F11: variants seen among roughly 807,000 people sequenced by gnomAD.
The protein encoded by F11 is coagulation factor XI.
F11 carries 78 observed loss-of-function variants against 76.5 expected under a neutral mutation model. That is an observed-to-expected ratio of 1.02 (90% CI 0.85 to 1.23). The LOEUF is 1.23. Ranked by LOEUF, F11 falls within the 50% of genes most tolerant of loss-of-function variation. The pLI, the probability that F11 is intolerant of heterozygous loss-of-function variation, is 0.00. For synonymous variants in F11, 278 were observed against 276.3 expected, an observed-to-expected ratio of 1.01 and a Z score of -0.06; for missense variants, 742 against 771.4, an observed-to-expected ratio of 0.96 and a Z score of 0.45.
intron 2 of F11, among the ~76,000 whole-genome samples, chr4:186,269,703 TACCCTTAGTGCC>T (rs1179105566): frequency 1.3e-5 from 2 of 152,160 alleles, no homozygotes; most frequent in Non-Finnish European, 2.9e-5. Context: ...GCAATGTAAA[TACCCTTAGTGCC>T]ACAGAACTGT....
chr4:186,275,526 T>G (rs1337491058), intron 5 of F11, among the ~76,000 whole-genome samples: 1 of 151,834 alleles, frequency 6.6e-6, no homozygotes, highest in Admixed American at 6.6e-5. Flanking sequence ...GAGAAGGGCT[T>G]GAGAAGTCAT....
rs533298073 is a variant in F11, at chr4:186,271,702, G to C, written c.149G>C (p.Cys50Ser). 6.2e-7 allele frequency: 1 copy of C among 1,614,152 alleles called. No homozygotes were observed. Among genetic ancestry groups the C allele is most frequent in the East Asian group, 2.2e-5 (1 of 44,884 alleles). ...AGCGCCAAGTACTGCCAGGTAGTCT[G>C]CACTTACCACCCAAGATGTTTACTC... ...TPSAKYCQVV[C>S]TYHPRCLLFT... The change falls in exon 3 of 15, where the codon TGC (cysteine) becomes TCC (serine). Residue 50 changes from cysteine to serine, a missense_variant. Cys to Ser is a moderately radical substitution (Grantham distance 112, BLOSUM62 -1). Coordinates refer to ENST00000403665, the MANE Select transcript of F11 (RefSeq NM_000128.4).
chr4:186,266,987 G>T (rs200009304), intron 1 of F11, 149 bp from the exon 2 acceptor site: 2 of 650,292 alleles, frequency 3.1e-6, no homozygotes, highest in Admixed American at 4.4e-5. Flanking sequence ...GATTGGGAAA[G>T]AAAATTCAAC....
chr4:186,287,901 T>G (rs530392958), intron 14 of F11, 78 bp downstream of exon 14: 66 of 1,518,670 alleles, frequency 4.3e-5, no homozygotes, highest in Admixed American at 8.7e-5. Context: ...GTTTGTTTTG[T>G]TTTTTTTGTT....
rs144995972 is a variant in F11, at chr4:186,278,317, C to A, written c.756-1695C>A. Among the ~76,000 whole-genome samples the A allele has an allele frequency of 3.9e-5, 6 of 152,290 alleles. No individual in the cohort carries two copies. In the East Asian group the frequency reaches 1.2e-3, roughly 29 times the overall value. ...CCTATCACATGAGCCTCACTTTCCA[C>A]TGAGTGAGGCTGTCATTTCAGAAGC... On this transcript the variant is annotated intron_variant, in intron 7 of 14. Coordinates refer to ENST00000403665, the MANE Select transcript of F11 (RefSeq NM_000128.4).
chr4:186,268,382 C>T (rs774548133), intron 2 of F11, among the ~76,000 whole-genome samples: 1 of 152,068 alleles, frequency 6.6e-6, no homozygotes, highest in Admixed American at 6.5e-5. Flanking sequence ...GGCAGCCAAT[C>T]CCTCATAGAT....
chr4:186,280,282 G>T lies in F11; in HGVS notation c.925G>T (p.Val309Phe). 6.2e-7 allele frequency: 1 copy of T among 1,614,178 alleles called. No homozygotes were observed. The highest frequency in any genetic ancestry group is 1.1e-5 in the South Asian group (1 of 91,084). The change falls in exon 9 of 15, where the codon GTT becomes TTT. Residue 309 changes from valine (V) to phenylalanine (F), a missense_variant. Coordinates refer to ENST00000403665, the MANE Select transcript of F11 (RefSeq NM_000128.4). ...TTTCTTGGGAGAAGAACTGGATATT[G>T]TTGCTGCAAAAAGTCACGAGGCCTG... Reference protein sequence around the residue: ...TDFLGEELDIVAAKSHEACQK... With the variant: ...TDFLGEELDIFAAKSHEACQK...
chr4:186,284,017 T>G, intron 10 of F11, 75 bp from the exon 11 acceptor site: 1 of 1,610,858 alleles, frequency 6.2e-7, no homozygotes, highest in Non-Finnish European at 8.5e-7. Context: ...GGTTTTCTTC[T>G]TGTTCCTGAA....
chr4:186,287,013 G>A (rs1480799585), intron 13 of F11, among the ~76,000 whole-genome samples: 6 of 151,884 alleles, frequency 4.0e-5, no homozygotes, highest in East Asian at 2.0e-4. Flanking sequence ...TCGCTCTGTC[G>A]CCCAGGCTGG....
chr4:186,280,153 G>A (rs185220960), intron 8 of F11, 32 bp downstream of exon 8: 1 of 1,612,984 alleles, frequency 6.2e-7, no homozygotes, highest in African/African-American at 1.3e-5. Context: ...CTGGCTGAGA[G>A]TGACCAGCCC....
At chr4:186,272,290 A>G (rs1026019771) in intron 3 of F11, among the ~76,000 whole-genome samples, 4 of 152,192 alleles carry the variant, frequency 2.6e-5, no homozygotes, top group East Asian at 1.9e-4. Context: ...TAATTTTAAA[A>G]CATGACACTT....
intron 10 of F11, chr4:186,282,240 A>G (rs1395964781): frequency 1.0e-6 from 1 of 985,292 alleles, no homozygotes; most frequent in East Asian, 1.1e-4. Flanking sequence ...TGTTGGATTT[A>G]TAGACTCTGG....
At position 186,281,914 on chromosome 4, in the gene F11, T is replaced by G. The variant is rs913688632; in HGVS notation, c.1135+1334T>G. On this transcript the variant is annotated intron_variant, in intron 10 of 14. Transcript: ENST00000403665. Reference sequence around the variant, plus strand: ...TTGCCTCCAACACTGGTATCCTAACTAACAGACTATGCCTTCCTAGAGCTT... The same window carrying G: ...TTGCCTCCAACACTGGTATCCTAACGAACAGACTATGCCTTCCTAGAGCTT... 2.4e-6 allele frequency: 3 copies of G among 1,264,558 alleles called. No homozygotes were observed. In the African/African-American group the frequency reaches 4.6e-5, roughly 19 times the overall value. 78.3% of individuals were successfully genotyped at this position (1,264,558 alleles called of 1,614,324 possible).
At chr4:186,276,567 A>G (rs192905076) in intron 7 of F11, among the ~76,000 whole-genome samples, 177 bp downstream of exon 7, 20 of 147,364 alleles carry the variant, frequency 1.4e-4, no homozygotes, top group Middle Eastern at 3.5e-3. Context: ...CACAAACCCA[A>G]CATTACCGAG....
intron 6 of F11, 66 bp downstream of exon 6, chr4:186,275,962 A>C: frequency 3.6e-5 from 46 of 1,274,516 alleles, no homozygotes; most frequent in Non-Finnish European, 4.6e-5. Flanking sequence ...AGTAGATCTC[A>C]CTCAGGATAC....
At chr4:186,280,696 A>G (rs759605547) in intron 10 of F11, 116 bp downstream of exon 10, 50 of 983,446 alleles carry the variant, frequency 5.1e-5, no homozygotes, top group African/African-American at 8.1e-5. Flanking sequence ...GAAATAACAA[A>G]TTTTGCAATT....
chr4:186,273,290 C>T, intron 4 of F11, 113 bp downstream of exon 4: 1 of 846,068 alleles, frequency 1.2e-6, no homozygotes, highest in Non-Finnish European at 2.0e-6. Flanking sequence ...AATAAACCCC[C>T]TTAATGAAGT....
chr4:186,270,276 C>A (rs1332529670), intron 2 of F11, among the ~76,000 whole-genome samples: 1 of 152,240 alleles, frequency 6.6e-6, no homozygotes, highest in Non-Finnish European at 1.5e-5. Flanking sequence ...ACACTAGAAG[C>A]AGCATGTGTT....
At chr4:186,279,974 G>A in intron 7 of F11, 38 bp from the exon 8 acceptor site, 1 of 1,465,942 alleles carries the variant, frequency 6.8e-7, no homozygotes. Context: ...TTATGTGTTT[G>A]ATATGATATA....
Sources: allele counts gnomAD v4.1 joint callset (sites outside exome capture counted in the v4.1 genomes callset), GRCh38; gene constraint gnomAD v4.1.1; transcripts MANE v1.5; gene names NCBI Gene and HGNC (gene_info 2026-07-23, HGNC 2026-07-21).